The following PROSER1 variants were observed in gnomAD, a reference collection of about 807,000 sequenced individuals.
PROSER1 encodes proline and serine rich 1.
PROSER1 carries 36 observed loss-of-function variants against 71.8 expected under a neutral mutation model. That is an observed-to-expected ratio of 0.50 (90% CI 0.38 to 0.66). The LOEUF (loss-of-function observed/expected upper bound fraction) is 0.66. Ranked by LOEUF, PROSER1 falls within the 30% of genes least tolerant of loss-of-function variation. The pLI is 0.00. For synonymous variants in PROSER1, 490 were observed against 452.4 expected (o/e 1.08, Z -1.06); for missense variants, 1,107 against 1,135.0 (o/e 0.98, Z 0.35).
intron 1 of PROSER1, 70 bp downstream of exon 1, chr13:39,037,128 A>G: frequency 2.6e-6 from 3 of 1,164,432 alleles, no homozygotes; most frequent in Non-Finnish European, 3.9e-6. Flanking sequence ...ATCTCCATAC[A>G]GTACCTCAAA....
At chr13:39,025,894 A>T (rs912466029) in intron 6 of PROSER1, among the ~76,000 whole-genome samples, 6 of 152,206 alleles carry the variant, frequency 3.9e-5, no homozygotes, top group Non-Finnish European at 8.8e-5. Context: ...TTTCTTTTTT[A>T]TAGTACTTCT....
rs773663355 is a variant in PROSER1, at chr13:39,029,354, T to C, written c.202A>G (p.Thr68Ala). 1.6e-5 allele frequency: 23 copies of C among 1,477,300 alleles called. No homozygotes were observed. Among genetic ancestry groups the C allele is most frequent in the African/African-American group, 4.3e-5 (3 of 69,006 alleles). The allele number at this position is 1,477,300 out of a possible 1,614,324, so 91.5% of individuals were successfully genotyped here. A position where few individuals can be genotyped will look rare whatever the true frequency, so the allele number is the denominator to read the frequency against. ...CAGTTGAGTATATTGACCACTTCTG[T>C]TGGCTGGACAGCCACCATTTTCTGT... ...LQHKMVAVQP[T>A]EVVNILNCFT... Residue 68 changes from threonine (T) to alanine (A), a missense_variant, in exon 4 of 13, where the codon ACA becomes GCA. Physicochemically the swap from Thr to Ala is moderately conservative, Grantham distance 58. Transcript: ENST00000352251.
chr13:39,031,660 G>A, intron 2 of PROSER1, 29 bp from the exon 3 acceptor site: 2 of 1,582,932 alleles, frequency 1.3e-6, no homozygotes, highest in South Asian at 2.2e-5. Context: ...CAGCTCTAAT[G>A]ACAGCATGTT....
At chr13:39,031,501 A>C in intron 3 of PROSER1, 62 bp downstream of exon 3, 1 of 1,185,976 alleles carries the variant, frequency 8.4e-7, no homozygotes, top group Non-Finnish European at 1.2e-6. Context: ...TAAATTACAC[A>C]CAACTGGGAG....
chr13:39,030,302 C>T (rs541444668), intron 3 of PROSER1, among the ~76,000 whole-genome samples: 1 of 152,274 alleles, frequency 6.6e-6, no homozygotes, highest in African/African-American at 2.4e-5. Flanking sequence ...TATTACGTAA[C>T]TCAACTGGCG....
At chr13:39,017,858 A>G in intron 9 of PROSER1, 1 of 230,766 alleles carries the variant, frequency 4.3e-6, no homozygotes. Flanking sequence ...TATATACTAT[A>G]TTCAAGAACA....
In PROSER1 at chr13:39,022,327, T is replaced by C; in HGVS notation, c.729A>G (p.Thr243=). The C allele has an allele frequency of 6.3e-7, 1 of 1,599,306 alleles. No individual in the cohort carries two copies. The highest frequency in any genetic ancestry group is 1.7e-4 in the Middle Eastern group (1 of 6,028). The part of the protein sequence containing the change: ...PPPYTPNPVG[T]ENEDLSNPSK... ...AAACACCCCCAAATAACATTTTACC[T>C]GTTCCTACAGGATTAGGAGTATATG... Residue 243 remains threonine (T), a splice_region_variant and synonymous_variant, in exon 9 of 13, where the codon ACA becomes ACG. Coordinates refer to ENST00000352251, the MANE Select transcript of PROSER1 (RefSeq NM_025138.5).
intron 9 of PROSER1, among the ~76,000 whole-genome samples, chr13:39,020,939 T>A (rs1351592124): frequency 1.3e-5 from 2 of 152,206 alleles, no homozygotes; most frequent in African/African-American, 4.8e-5. Flanking sequence ...ACTCAAATGG[T>A]GGCATTCATT....
intron 4 of PROSER1, among the ~76,000 whole-genome samples, chr13:39,028,699 T>C (rs1025292159): frequency 6.6e-6 from 1 of 152,188 alleles, no homozygotes; most frequent in Non-Finnish European, 1.5e-5. Flanking sequence ...TGTGCTTTTA[T>C]GGACACCTAT....
Position 39,037,554 on chromosome 13 carries a change from G to A in PROSER1, c.-312C>T, listed in dbSNP as rs1390363474. ...CCTCTGAGTTTTGCAGAAAAACCCG[G>A]GCTCGGCGGCAGGTTTGAGTGCGGT... On this transcript the variant is annotated 5_prime_UTR_variant, in exon 1 of 13. Transcript: ENST00000352251. The A allele has an allele frequency of 1.2e-5, 3 of 260,622 alleles. No homozygotes were observed. Among genetic ancestry groups the A allele is most frequent in the African/African-American group, 2.2e-5 (1 of 44,936 alleles). 16.1% of individuals were successfully genotyped at this position (260,622 alleles called of 1,614,324 possible).
chr13:39,012,932 A>C lies in PROSER1; in HGVS notation c.2320T>G (p.Phe774Val). 1 of 1,614,168 alleles carries C rather than the reference A, an allele frequency of 6.2e-7. No individual in the cohort carries two copies. The highest frequency in any genetic ancestry group is 2.2e-5 in the East Asian group (1 of 44,874). The change falls in exon 11 of 13, where the codon TTC becomes GTC. Residue 774 changes from phenylalanine to valine, a missense_variant. By Grantham distance (50) the Phe-to-Val change is conservative. Coordinates refer to ENST00000352251, the MANE Select transcript of PROSER1 (RefSeq NM_025138.5). ...GACAGAGGTCCTTGAGTAACAGAGAAAAGTGAGGGAACAGCAGTGGACAGG... is the reference window on the plus strand; with the variant it reads ...GACAGAGGTCCTTGAGTAACAGAGACAAGTGAGGGAACAGCAGTGGACAGG... Reference protein sequence around the residue: ...LNLSTAVPSLFSVTQGPLSSS... With the variant: ...LNLSTAVPSLVSVTQGPLSSS...
At position 39,012,433 on chromosome 13, in the gene PROSER1, T is replaced by G. The variant is rs1869708966; in HGVS notation, c.2562-200A>C. 3 of 672,056 alleles carry G rather than the reference T, an allele frequency of 4.5e-6. No individual in the cohort carries two copies. In the African/African-American group the frequency reaches 5.5e-5, roughly 12 times the overall value. The allele number at this position is 672,056 out of a possible 1,614,324, so 41.6% of individuals were successfully genotyped here. ...GTGAAGTATATTATTCGAAATTCAG[T>G]AAGTCTGTTTTGCATATAATCCTTT... On this transcript the variant is annotated intron_variant, in intron 11 of 12. Transcript: ENST00000352251.
In PROSER1 at chr13:39,011,503, G is replaced by A. The variant is rs371349597; in HGVS notation, c.2713-16C>T. ...CTGAATGGACCTGATGGAAAGAAGA[G>A]CGTGTGGTTTAGCAGAGTGCCAAGT... On this transcript the variant is annotated splice_polypyrimidine_tract_variant and intron_variant, in intron 12 of 12. Coordinates refer to ENST00000352251, the MANE Select transcript of PROSER1 (RefSeq NM_025138.5). The A allele has an allele frequency of 5.0e-6, 8 of 1,612,864 alleles. No homozygotes were observed. The South Asian group carries it at 7.7e-5, about 15-fold the overall frequency.
intron 1 of PROSER1, among the ~76,000 whole-genome samples, chr13:39,036,248 T>A (rs73458083): frequency 6.6e-6 from 1 of 152,142 alleles, no homozygotes; most frequent in Non-Finnish European, 1.5e-5. Flanking sequence ...TTCAGTATTA[T>A]CAAATATGAA....
In PROSER1 at chr13:39,023,321, T is replaced by G. The variant is rs553335899; in HGVS notation, c.565-191A>C. 1.5e-5 allele frequency: 8 copies of G among 519,116 alleles called. No individual in the cohort carries two copies. In the East Asian group the frequency reaches 2.1e-4, roughly 14 times the overall value. The allele number at this position is 519,116 out of a possible 1,614,324, so 32.2% of individuals were successfully genotyped here. A position where few individuals can be genotyped will look rare whatever the true frequency, so the allele number is the denominator to read the frequency against. ...AATGTGGTTGCTATTAAATTCCAAA[T>G]GCAGATCTTGCCAAAGATGGCCATA... is the stretch of plus-strand genomic sequence containing the variant. On this transcript the variant is annotated intron_variant, in intron 7 of 12. Coordinates refer to ENST00000352251, the MANE Select transcript of PROSER1 (RefSeq NM_025138.5).
chr13:39,016,087 G>T (rs1443543724), intron 10 of PROSER1, among the ~76,000 whole-genome samples: 1 of 152,054 alleles, frequency 6.6e-6, no homozygotes, highest in Non-Finnish European at 1.5e-5. Flanking sequence ...GCCTCTGTTG[G>T]ATCTTTTTAT....
At chr13:39,020,383 C>T (rs915930046) in intron 9 of PROSER1, among the ~76,000 whole-genome samples, 5 of 152,016 alleles carry the variant, frequency 3.3e-5, no homozygotes, top group Admixed American at 6.6e-5. Context: ...CACACACACA[C>T]CCCTGTTGTT....
intron 1 of PROSER1, among the ~76,000 whole-genome samples, chr13:39,036,460 C>G (rs1871109516): frequency 6.6e-6 from 1 of 152,120 alleles, no homozygotes; most frequent in African/African-American, 2.4e-5. Context: ...CGAAGGAAAG[C>G]ACCGTGTGTT....
At chr13:39,030,455 A>C (rs761091438) in intron 3 of PROSER1, among the ~76,000 whole-genome samples, 21 of 152,300 alleles carry the variant, frequency 1.4e-4, no homozygotes, top group African/African-American at 5.1e-4. Context: ...GCAGGGAGAC[A>C]GGCAAGCAGG....
Sources: gnomAD v4.1 joint callset for allele counts (sites outside exome capture counted in the v4.1 genomes callset) on GRCh38, gnomAD v4.1.1 for gene constraint, MANE v1.5 for transcripts, NCBI Gene and HGNC (gene_info 2026-07-23, HGNC 2026-07-21) for gene names.